Variants in RAPGEF2 observed in about 807,000 individuals in gnomAD.
RAPGEF2 encodes the protein PDZ domain containing guanine nucleotide exchange factor (GEF) 1.
RAPGEF2 carries 54 observed loss-of-function variants against 186.7 expected under a neutral mutation model. The ratio of observed to expected loss-of-function variants is 0.29; its 90% confidence interval spans 0.23 to 0.36. RAPGEF2 has a LOEUF of 0.36. Among genes scored for constraint, RAPGEF2 ranks in the 10% least tolerant of loss-of-function variants. RAPGEF2 has a pLI of 1.00. For synonymous variants in RAPGEF2, 712 were observed against 705.9 expected (o/e 1.01, Z -0.14); for missense variants, 1,532 against 2,045.0 (o/e 0.75, Z 4.84).
chr4:159,223,703 T>A (rs1466572235), intron 4 of RAPGEF2, among the ~76,000 whole-genome samples: 2 of 152,216 alleles, frequency 1.3e-5, no homozygotes, highest in African/African-American at 4.8e-5. Context: ...CAGAGACATA[T>A]ATGTTTGCCT....
intron 3 of RAPGEF2, among the ~76,000 whole-genome samples, chr4:159,201,492 G>A (rs751517557): frequency 3.3e-5 from 5 of 152,302 alleles, no homozygotes; most frequent in Non-Finnish European, 4.4e-5. Flanking sequence ...TCTGCGGGAC[G>A]CCTATAAAAG....
chr4:159,178,512 A>C (rs932702215), intron 1 of RAPGEF2, among the ~76,000 whole-genome samples: 1 of 131,726 alleles, frequency 7.6e-6, no homozygotes, highest in Admixed American at 7.8e-5. Context: ...GATGTGGGGT[A>C]CTCTCCCTCT....
intron 7 of RAPGEF2, among the ~76,000 whole-genome samples, chr4:159,260,791 C>T (rs1756741395): frequency 6.6e-6 from 1 of 152,140 alleles, no homozygotes; most frequent in Admixed American, 6.5e-5. Flanking sequence ...TCTTGTTGCC[C>T]AGGCTGGAGT....
At chr4:159,292,807 C>A (rs929993394) in intron 7 of RAPGEF2, among the ~76,000 whole-genome samples, 22 of 152,102 alleles carry the variant, frequency 1.4e-4, no homozygotes, top group Non-Finnish European at 1.5e-5. Context: ...ATAGTTTCAT[C>A]ATAGAATATT....
rs1195356497 is a variant in RAPGEF2 at position 159,186,690 on chromosome 4, A to G, written c.118A>G (p.Asn40Asp). 2.0e-6 allele frequency: 3 copies of G among 1,475,998 alleles called. No individual in the cohort carries two copies. The highest frequency in any genetic ancestry group is 2.7e-6 in the Non-Finnish European group (3 of 1,100,602). The allele number at this position is 1,475,998 out of a possible 1,614,324, so 91.4% of individuals were successfully genotyped here. ...SYLHGMEALS[N>D]LREHQLRLMC... ...TTTACATGGTATGGAAGCCTTATCA[A>G]ACTTGAGGGAGCATCAACTTAGGTA... The change falls in exon 2 of 30, where the codon AAC becomes GAC. Residue 40 changes from asparagine to aspartate, a missense_variant. Coordinates refer to ENST00000691494, the MANE Select transcript of RAPGEF2 (RefSeq NM_001394067.2).
intron 1 of RAPGEF2, among the ~76,000 whole-genome samples, chr4:159,169,308 A>G (rs1299956114): frequency 6.6e-6 from 1 of 152,180 alleles, no homozygotes; most frequent in Non-Finnish European, 1.5e-5. Flanking sequence ...CTTGTTTTTA[A>G]AAGTTTATTT....
At position 159,211,959 on chromosome 4, in the gene RAPGEF2, A is replaced by G. The variant is rs147450145; in HGVS notation, c.281+1376A>G. On this transcript the variant is annotated intron_variant, in intron 4 of 29. Coordinates refer to ENST00000691494, the MANE Select transcript of RAPGEF2 (RefSeq NM_001394067.2). ...TGTAGTAGTAAAAATAATAGTAATA[A>G]AAGAATGACGACAAAATAGCTAAGC... 1.2e-4 allele frequency among the ~76,000 whole-genome samples: 18 copies of G among 152,326 alleles called. No homozygotes were observed. In the East Asian group the frequency reaches 3.3e-3, roughly 28 times the overall value.
At chr4:159,316,256 T>C (rs749622700) in intron 9 of RAPGEF2, among the ~76,000 whole-genome samples, 13 of 152,196 alleles carry the variant, frequency 8.5e-5, no homozygotes, top group Non-Finnish European at 1.5e-4. Flanking sequence ...CGAGGATTAT[T>C]ATAATATTGG....
chr4:159,114,323 C>T (rs982857362), intron 1 of RAPGEF2, among the ~76,000 whole-genome samples: 23 of 151,940 alleles, frequency 1.5e-4, no homozygotes, highest in African/African-American at 4.8e-4. Context: ...AGGCTGGTCT[C>T]GAACTCCTGA....
chr4:159,118,158 T>A (rs1739255138), intron 1 of RAPGEF2, among the ~76,000 whole-genome samples: 1 of 152,194 alleles, frequency 6.6e-6, no homozygotes, highest in African/African-American at 2.4e-5. Flanking sequence ...AGAGTGAAGC[T>A]TCATCTTTGT....
At chr4:159,332,745 T>C (rs1221696124) in intron 17 of RAPGEF2, 48 bp downstream of exon 17, 1 of 1,587,250 alleles carries the variant, frequency 6.3e-7, no homozygotes, top group Non-Finnish European at 8.6e-7. Flanking sequence ...TTTGTTAAAA[T>C]GATATGCAAA....
chr4:159,271,478 C>T (rs999156185), intron 7 of RAPGEF2, among the ~76,000 whole-genome samples: 3 of 152,100 alleles, frequency 2.0e-5, no homozygotes, highest in African/African-American at 7.2e-5. Context: ...ATAGCAGACA[C>T]TATATTACAT....
chr4:159,292,324 T>C (rs533720932), intron 7 of RAPGEF2, among the ~76,000 whole-genome samples: 42 of 152,308 alleles, frequency 2.8e-4, no homozygotes, highest in African/African-American at 9.1e-4. Flanking sequence ...TTAGTGTGTT[T>C]GTTGCTGAAA....
chr4:159,339,503 C>A, intron 19 of RAPGEF2, 149 bp downstream of exon 19: 2 of 1,061,504 alleles, frequency 1.9e-6, no homozygotes, highest in Non-Finnish European at 2.7e-6. Context: ...TTTCCTTTCA[C>A]CAAGAATTAC....
intron 7 of RAPGEF2, among the ~76,000 whole-genome samples, chr4:159,291,980 T>C (rs943629919): frequency 2.0e-5 from 3 of 152,200 alleles, no homozygotes; most frequent in African/African-American, 7.2e-5. Flanking sequence ...TTATAGCTAT[T>C]GTTAACATTT....
chr4:159,119,010 C>T lies in RAPGEF2; in HGVS notation c.69+14779C>T, dbSNP rs562332648. ...TTTTTCCCATAGATTAACTTTTCATCGTTGGTTTAATGACTGATTCACTAA... is the reference window on the plus strand; with the variant it reads ...TTTTTCCCATAGATTAACTTTTCATTGTTGGTTTAATGACTGATTCACTAA... On this transcript the variant is annotated intron_variant, in intron 1 of 29. Coordinates refer to ENST00000691494, the MANE Select transcript of RAPGEF2 (RefSeq NM_001394067.2). 5.3e-5 allele frequency among the ~76,000 whole-genome samples: 8 copies of T among 152,248 alleles called. No individual in the cohort carries two copies. In the South Asian group the frequency reaches 1.0e-3, roughly 20 times the overall value.
intron 7 of RAPGEF2, among the ~76,000 whole-genome samples, chr4:159,253,501 T>A (rs1022696649): frequency 1.3e-5 from 2 of 152,244 alleles, no homozygotes; most frequent in African/African-American, 2.4e-5. Flanking sequence ...GTGTTAGATA[T>A]GTTTTTCAAA....
intron 3 of RAPGEF2, among the ~76,000 whole-genome samples, chr4:159,196,027 C>T (rs927771495): frequency 6.6e-6 from 1 of 151,642 alleles, no homozygotes; most frequent in South Asian, 2.1e-4. Flanking sequence ...AGCACCTGCC[C>T]GTATTTGACT....
intron 17 of RAPGEF2, among the ~76,000 whole-genome samples, chr4:159,334,564 T>A (rs963732785): frequency 6.6e-6 from 1 of 152,152 alleles, no homozygotes; most frequent in African/African-American, 2.4e-5. Flanking sequence ...TGCAGAATTA[T>A]TAACAGCACA....
Sources: gnomAD v4.1 joint callset for allele counts (sites outside exome capture counted in the v4.1 genomes callset) on GRCh38, gnomAD v4.1.1 for gene constraint, MANE v1.5 for transcripts, NCBI Gene and HGNC (gene_info 2026-07-23, HGNC 2026-07-21) for gene names.